CNGB1: variants seen among roughly 807,000 people sequenced by gnomAD.
CNGB1 encodes the protein cyclic nucleotide gated channel subunit beta 1.
CNGB1 carries 126 observed loss-of-function variants against 151.7 expected under a neutral mutation model. The observed-to-expected ratio is 0.83, with a 90% confidence interval of 0.72 to 0.96. CNGB1 has a LOEUF of 0.96. CNGB1 is among the 40% of genes least tolerant of loss of function. The pLI, the probability that CNGB1 is intolerant of heterozygous loss-of-function variation, is 0.00. For synonymous variants in CNGB1, 623 were observed against 635.1 expected (o/e 0.98, Z 0.29); for missense variants, 1,698 against 1,627.0 (o/e 1.04, Z -0.75).
intron 12 of CNGB1, 150 bp downstream of exon 12, chr16:57,957,191 C>T: frequency 1.3e-6 from 1 of 757,834 alleles, no homozygotes; most frequent in East Asian, 2.7e-5. Flanking sequence ...ATGGGGCTCT[C>T]TCAGCTCCAG....
chr16:57,936,799 C>CAA (rs11400925), intron 16 of CNGB1, among the ~76,000 whole-genome samples: 7,843 of 128,680 alleles, frequency 0.061, 704 homozygotes, highest in African/African-American at 0.21. Context: ...AACAAACAAA[C>CAA]AAAAAAAAAA....
rs368926128 is a variant in CNGB1 at position 57,919,147 on chromosome 16, G to A, written c.1909C>T (p.Arg637Cys). Residue 637 changes from arginine to cysteine, a missense_variant, in exon 20 of 33, where the codon CGC becomes TGC. Coordinates refer to ENST00000251102, the MANE Select transcript of CNGB1 (RefSeq NM_001297.5). The stretch of plus-strand genomic sequence containing the variant: ...GGAAACTGGTACTTCTTCCAGGGGC[G>A]GTGTTTGAACTTGCAGCAGAGCATG... ...CDMLCCKFKH[R>C]PWKKYQFPQS... 23 of 1,614,172 alleles carry A rather than the reference G, an allele frequency of 1.4e-5. No individual in the cohort carries two copies. The highest frequency in any genetic ancestry group is 8.9e-5 in the East Asian group (4 of 44,880).
At position 57,904,888 on chromosome 16, in the gene CNGB1, G is replaced by A; in HGVS notation, c.2493-13C>T. The stretch of plus-strand genomic sequence containing the variant: ...ACAGCGAATATAACTGGAGAGAGAG[G>A]AGAAAGGGAACATGGGTCATCACAG... On this transcript the variant is annotated splice_polypyrimidine_tract_variant and intron_variant, in intron 25 of 32. Transcript: ENST00000251102. The A allele has an allele frequency of 6.2e-7, 1 of 1,614,130 alleles. No individual in the cohort carries two copies. The highest frequency in any genetic ancestry group is 8.5e-7 in the Non-Finnish European group (1 of 1,180,036).
intron 13 of CNGB1, 148 bp from the exon 14 acceptor site, chr16:57,949,587 C>T (rs1000203638): frequency 4.0e-6 from 5 of 1,251,082 alleles, no homozygotes; most frequent in Non-Finnish European, 3.5e-6. Flanking sequence ...GAGCCCCACC[C>T]GAGCAACCCT....
At chr16:57,949,128 GTGTGTGGGGGGGGA>G (rs1238179934) in intron 14 of CNGB1, among the ~76,000 whole-genome samples, 1 of 151,438 alleles carries the variant, frequency 6.6e-6, no homozygotes, top group Non-Finnish European at 1.5e-5. Context: ...GCATTCTAGT[GTGTGTGGGGGGGGA>G]TGTGGAGTGG....
rs1348042914 is a variant in CNGB1 at position 57,960,620 on chromosome 16, G to A, written c.535-90C>T. ...ACTACCAGCTGTGTCCTGGCCCAAG[G>A]CGGGTGAGCCGGGGATGGGGGTGGG... On this transcript the variant is annotated intron_variant, in intron 8 of 32. Coordinates refer to ENST00000251102, the MANE Select transcript of CNGB1 (RefSeq NM_001297.5). 5.2e-6 allele frequency: 8 copies of A among 1,547,638 alleles called. No individual in the cohort carries two copies. The East Asian group carries it at 1.2e-4, about 23-fold the overall frequency.
chr16:57,931,723 T>C lies in CNGB1; in HGVS notation c.1528A>G (p.Thr510Ala), dbSNP rs1261827975. The C allele has an allele frequency of 6.2e-7, 1 of 1,614,086 alleles. No individual in the cohort carries two copies. The highest frequency in any genetic ancestry group is 2.2e-5 in the East Asian group (1 of 44,876). Residue 510 changes from threonine (T) to alanine (A), a missense_variant, in exon 17 of 33, where the codon ACA (threonine) becomes GCA (alanine). Coordinates refer to ENST00000251102, the MANE Select transcript of CNGB1 (RefSeq NM_001297.5). ...AGAAGCATAAAAGGTAACCTGTGTGTCCCCGAGGCTGAGCTTGGGACTATA... is the reference window on the plus strand; with the variant it reads ...AGAAGCATAAAAGGTAACCTGTGTGCCCCCGAGGCTGAGCTTGGGACTATA... Reference protein sequence around the residue: ...TLIVPSSASGTHRKKLPSEDD... With the variant: ...TLIVPSSASGAHRKKLPSEDD...
At chr16:57,955,415 A>T in intron 12 of CNGB1, 8 of 1,429,524 alleles carry the variant, frequency 5.6e-6, no homozygotes, top group Non-Finnish European at 6.7e-6. Context: ...GGACAGGCGG[A>T]GGGAATGAGT....
At chr16:57,950,674 A>G (rs1961926579) in intron 12 of CNGB1, 134 bp from the exon 13 acceptor site, 1 of 872,024 alleles carries the variant, frequency 1.1e-6, no homozygotes, top group Admixed American at 2.0e-5. Flanking sequence ...CAGTGGGGAA[A>G]TGGCACTTTC....
At chr16:57,899,431 G>A (rs1960325297) in intron 29 of CNGB1, among the ~76,000 whole-genome samples, 1 of 152,208 alleles carries the variant, frequency 6.6e-6, no homozygotes, top group South Asian at 2.1e-4. Context: ...CCTGAGGTCA[G>A]GAGTTCGAGA....
chr16:57,962,604 G>A lies in CNGB1; in HGVS notation c.419C>T (p.Thr140Ile), dbSNP rs1262733850. The change falls in exon 7 of 33, where the codon ACA (threonine) becomes ATA (isoleucine). Residue 140 changes from threonine (T) to isoleucine (I), a missense_variant. By Grantham distance (89) the Thr-to-Ile change is moderately conservative (BLOSUM62 -1). Coordinates refer to ENST00000251102, the MANE Select transcript of CNGB1 (RefSeq NM_001297.5). ...CTCAAGGGCCTCATTGGGTTCATCT[G>A]TGCACCCTGCAGGGTCAGAAAATAC... ...GHGSTGDTGCTDEPNEALEAQ... is the reference protein window; with the variant it reads ...GHGSTGDTGCIDEPNEALEAQ... 15 of 1,613,814 alleles carry A rather than the reference G, an allele frequency of 9.3e-6. No homozygotes were observed. Among genetic ancestry groups the A allele is most frequent in the African/African-American group, 1.3e-5 (1 of 74,900 alleles).
chr16:57,926,537 G>A (rs1201171225), intron 17 of CNGB1, among the ~76,000 whole-genome samples: 4 of 152,192 alleles, frequency 2.6e-5, no homozygotes, highest in Non-Finnish European at 5.9e-5. Context: ...CCAACTCGCC[G>A]AGGATGGCAA....
At chr16:57,903,336 A>G (rs1960441786) in intron 27 of CNGB1, among the ~76,000 whole-genome samples, 1 of 151,782 alleles carries the variant, frequency 6.6e-6, no homozygotes, top group Non-Finnish European at 1.5e-5. Context: ...TACTAATAAT[A>G]TAAAAATGAG....
intron 17 of CNGB1, among the ~76,000 whole-genome samples, chr16:57,930,219 T>C (rs1294240577): frequency 6.6e-6 from 1 of 152,002 alleles, no homozygotes; most frequent in Non-Finnish European, 1.5e-5. Context: ...AAATGTGGGC[T>C]GTGTTGGCAG....
chr16:57,895,488 C>T (rs1327090376), intron 31 of CNGB1, among the ~76,000 whole-genome samples: 2 of 150,372 alleles, frequency 1.3e-5, no homozygotes, highest in African/African-American at 2.4e-5. Flanking sequence ...TTTAAGTTGG[C>T]ATATACATGT....
At chr16:57,911,620 G>C in intron 25 of CNGB1, 133 bp downstream of exon 25, 1 of 1,264,136 alleles carries the variant, frequency 7.9e-7, no homozygotes, top group African/African-American at 1.5e-5. Context: ...TGTCATGCCA[G>C]TGATTGCTTA....
At chr16:57,970,826 C>T (rs1962522867) in intron 1 of CNGB1, among the ~76,000 whole-genome samples, 2 of 152,040 alleles carry the variant, frequency 1.3e-5, no homozygotes, top group African/African-American at 2.4e-5. Context: ...TTCTGGAGAG[C>T]TAGTGAAAAT....
intron 14 of CNGB1, among the ~76,000 whole-genome samples, chr16:57,949,033 G>T (rs193127514): frequency 7.9e-5 from 12 of 152,110 alleles, no homozygotes; most frequent in Non-Finnish European, 1.5e-4. Context: ...TTTATTTGGT[G>T]CCCACTGTGT....
intron 26 of CNGB1, among the ~76,000 whole-genome samples, 189 bp downstream of exon 26, chr16:57,904,545 A>G (rs1370410119): frequency 6.6e-6 from 1 of 152,126 alleles, no homozygotes; most frequent in Non-Finnish European, 1.5e-5. Context: ...CAGAGAGGGA[A>G]TAGGGCCGAG....
Sources: allele counts gnomAD v4.1 joint callset (sites outside exome capture counted in the v4.1 genomes callset), GRCh38; gene constraint gnomAD v4.1.1; transcripts MANE v1.5; gene names NCBI Gene and HGNC (gene_info 2026-07-23, HGNC 2026-07-21).